N4BP2: variants seen among roughly 807,000 people sequenced by gnomAD.
The protein encoded by N4BP2 is NEDD4-binding protein 2.
N4BP2 carries 91 observed loss-of-function variants against 152.8 expected under a neutral mutation model. The observed-to-expected ratio is 0.60, with a 90% CI of 0.50 to 0.71. The LOEUF is 0.71. Among genes scored for constraint, N4BP2 ranks in the 30% least tolerant of loss-of-function variants. The pLI is 0.00. For missense variants in N4BP2, 1,923 were observed against 2,059.1 expected, an observed-to-expected ratio of 0.93 and a Z score of 1.28; for synonymous variants, 646 against 705.3, an observed-to-expected ratio of 0.92 and a Z score of 1.33.
At chr4:40,146,143 A>G (rs1030187951) in intron 16 of N4BP2, among the ~76,000 whole-genome samples, 1 of 152,130 alleles carries the variant, frequency 6.6e-6, no homozygotes, top group Non-Finnish European at 1.5e-5. Flanking sequence ...AGCCTGGGTG[A>G]CAGAGCGAGA....
chr4:40,177,622 T>C, the N4BP2 span, among the ~76,000 whole-genome samples: 5 of 151,144 alleles, frequency 3.3e-5, no homozygotes, highest in African/African-American at 1.2e-4. Flanking sequence ...TCTCAAAAAA[T>C]AAAATAAATA....
At chr4:40,110,772 A>C (rs1405972033) in intron 5 of N4BP2, among the ~76,000 whole-genome samples, 1 of 152,084 alleles carries the variant, frequency 6.6e-6, no homozygotes, top group African/African-American at 2.4e-5. Context: ...TCCTAACCTC[A>C]GGTGATCCGC....
the N4BP2 span, among the ~76,000 whole-genome samples, chr4:40,177,679 C>T: frequency 2.6e-5 from 4 of 151,960 alleles, no homozygotes; most frequent in African/African-American, 7.2e-5. Flanking sequence ...GCACAGACTC[C>T]GTGTGAGGAT....
intron 2 of N4BP2, among the ~76,000 whole-genome samples, chr4:40,094,598 C>T (rs776308167): frequency 1.3e-5 from 2 of 151,906 alleles, no homozygotes; most frequent in Non-Finnish European, 2.9e-5. Context: ...TCTTGTTGCC[C>T]AGGCTGGAGT....
At chr4:40,161,650 G>A (rs1023542283), downstream of N4BP2, among the ~76,000 whole-genome samples, 1 of 152,160 alleles carries the variant, frequency 6.6e-6, no homozygotes, top group Admixed American at 6.5e-5. Context: ...AAAATGATAC[G>A]ATGTTAGCAA....
chr4:40,093,789 G>C (rs57800229), intron 2 of N4BP2, among the ~76,000 whole-genome samples: 2 of 151,600 alleles, frequency 1.3e-5, no homozygotes, highest in African/African-American at 2.4e-5. Context: ...TAGTAGAGAC[G>C]GGGTTTCACC....
At chr4:40,089,625 C>T (rs1714338160) in intron 2 of N4BP2, among the ~76,000 whole-genome samples, 4 of 151,746 alleles carry the variant, frequency 2.6e-5, no homozygotes, top group South Asian at 2.1e-4. Flanking sequence ...TTAGTAGAGA[C>T]GGGGTTTCGC....
At chr4:40,127,894 CT>C (rs1435258442) in intron 12 of N4BP2, among the ~76,000 whole-genome samples, 98 of 152,258 alleles carry the variant, frequency 6.4e-4, no homozygotes, top group African/African-American at 2.2e-3. Flanking sequence ...ATCTCCTGAC[CT>C]TGTGATCCAC....
rs149129443 is a variant in N4BP2, at chr4:40,066,274, T to C, written c.-211-7181T>C. On this transcript the variant is annotated intron_variant, in intron 1 of 17. Coordinates refer to ENST00000261435, the MANE Select transcript of N4BP2 (RefSeq NM_018177.6). The stretch of plus-strand genomic sequence containing the variant: ...GAGTTAATTATTGATTATGTAGTTG[T>C]AATTAAATTTAGTTCATTTCTCAGG... 4.1e-3 allele frequency among the ~76,000 whole-genome samples: 614 copies of C among 150,246 alleles called. 4 individuals are homozygous for C. The highest frequency in any genetic ancestry group is 0.014 in the African/African-American group (573 of 40,974).
intron 2 of N4BP2, among the ~76,000 whole-genome samples, chr4:40,087,593 G>T (rs1714102644): frequency 6.6e-6 from 1 of 151,838 alleles, no homozygotes; most frequent in South Asian, 2.1e-4. Context: ...TTGAACTCTG[G>T]CCTCAAATGA....
chr4:40,138,476 T>C (rs1345288628), intron 14 of N4BP2, among the ~76,000 whole-genome samples: 1 of 152,234 alleles, frequency 6.6e-6, no homozygotes, highest in Non-Finnish European at 1.5e-5. Flanking sequence ...TGTGCTTCAT[T>C]GCCAAATCCA....
chr4:40,142,914 T>C (rs1720176871), intron 15 of N4BP2, 53 bp downstream of exon 15: 7 of 1,475,016 alleles, frequency 4.7e-6, no homozygotes, highest in Middle Eastern at 1.7e-4. Context: ...AACTAAATAC[T>C]CTTGAAGCAG....
downstream of N4BP2, among the ~76,000 whole-genome samples, chr4:40,161,237 G>A (rs1721851594): frequency 1.3e-5 from 2 of 152,208 alleles, no homozygotes; most frequent in African/African-American, 2.4e-5. Context: ...CAGAGAGAAT[G>A]CACCCTCATC....
chr4:40,130,000 T>C (rs1000074447), intron 12 of N4BP2, among the ~76,000 whole-genome samples: 4 of 152,200 alleles, frequency 2.6e-5, no homozygotes, highest in African/African-American at 7.2e-5. Flanking sequence ...TTGAATTTTT[T>C]AGTAAGTTTA....
In N4BP2 at chr4:40,122,296, T is replaced by C. The variant is rs749177686; in HGVS notation, c.4185T>C (p.Val1395=). The stretch of plus-strand genomic sequence containing the variant: ...AACTTAATGAATTATTTGGTCCTGT[T>C]GGTATTGATTCAGGTAAGGAAAAAG... ...AFQLNELFGP[V]GIDSGSLTVE... The change falls in exon 9 of 18, where the codon GTT becomes GTC. Residue 1395 remains valine (V), a synonymous_variant. Transcript: ENST00000261435. The C allele has an allele frequency of 1.3e-6, 2 of 1,572,112 alleles. No homozygotes were observed. Among genetic ancestry groups the C allele is most frequent in the East Asian group, 4.5e-5 (2 of 44,212 alleles).
At chr4:40,149,162 A>G (rs1473360870) in intron 16 of N4BP2, among the ~76,000 whole-genome samples, 2 of 152,270 alleles carry the variant, frequency 1.3e-5, no homozygotes, top group African/African-American at 4.8e-5. Flanking sequence ...AAACTTGCAT[A>G]TGAATGTCTG....
At chr4:40,174,515 A>G in the N4BP2 span, among the ~76,000 whole-genome samples, 1 of 152,040 alleles carries the variant, frequency 6.6e-6, no homozygotes, top group South Asian at 2.1e-4. Flanking sequence ...GATTAAAAAA[A>G]CTGCTGGCCA....
At chr4:40,145,099 T>G (rs1202040233) in intron 16 of N4BP2, among the ~76,000 whole-genome samples, 1 of 152,240 alleles carries the variant, frequency 6.6e-6, no homozygotes, top group African/African-American at 2.4e-5. Context: ...ATTACATATC[T>G]TTGTCCAATA....
At position 40,154,487 on chromosome 4, in the gene N4BP2, A is replaced by G. The variant is rs1263958989; in HGVS notation, c.*250A>G. 2.6e-6 allele frequency: 1 copy of G among 378,156 alleles called. No homozygotes were observed. Among genetic ancestry groups the G allele is most frequent in the African/African-American group, 2.1e-5 (1 of 46,780 alleles). 23.4% of individuals were successfully genotyped at this position (378,156 alleles called of 1,614,324 possible). ...TTACAAAATATGTAAGAAAATTATC[A>G]GCTACAGTTTTAAAGTTTAAAATGC... On this transcript the variant is annotated 3_prime_UTR_variant, in exon 18 of 18. Coordinates refer to ENST00000261435, the MANE Select transcript of N4BP2 (RefSeq NM_018177.6).
Sources: gnomAD v4.1 joint callset for allele counts (sites outside exome capture counted in the v4.1 genomes callset) on GRCh38, gnomAD v4.1.1 for gene constraint, MANE v1.5 for transcripts, NCBI Gene and HGNC (gene_info 2026-07-23, HGNC 2026-07-21) for gene names.